KCNH8: variants seen among roughly 807,000 people sequenced by gnomAD.
KCNH8 encodes the protein potassium voltage-gated channel subfamily H member 8.
A neutral mutation model predicts 103.6 loss-of-function variants in KCNH8; 70 were observed. That is an observed-to-expected ratio of 0.68 (90% CI 0.56 to 0.82). The LOEUF is 0.82. KCNH8 is among the 40% of genes least tolerant of loss of function. The probability of loss-of-function intolerance (pLI) is 0.00; values close to 1 mark genes in which losing one functional copy is unlikely to be tolerated. For synonymous variants in KCNH8, 498 were observed against 489.4 expected (o/e 1.02, Z -0.23); for missense variants, 1,217 against 1,329.9 (o/e 0.92, Z 1.32).
intron 15 of KCNH8, among the ~76,000 whole-genome samples, chr3:19,530,169 G>T (rs1055779536): frequency 6.6e-6 from 1 of 152,144 alleles, no homozygotes; most frequent in Non-Finnish European, 1.5e-5. Flanking sequence ...GAGAGGTTAG[G>T]ATGAAGACAG....
intron 4 of KCNH8, among the ~76,000 whole-genome samples, chr3:19,344,421 A>G (rs2065702355): frequency 6.6e-6 from 1 of 152,118 alleles, no homozygotes; most frequent in Non-Finnish European, 1.5e-5. Context: ...ATTTCAAAAA[A>G]ACTATAACTC....
At chr3:19,445,803 CTTT>C (rs929748371) in intron 8 of KCNH8, among the ~76,000 whole-genome samples, 14 of 151,892 alleles carry the variant, frequency 9.2e-5, no homozygotes, top group African/African-American at 3.4e-4. Flanking sequence ...AATTATAAAA[CTTT>C]TTAAAGAAAG....
At chr3:19,413,725 G>A (rs2066819295) in intron 7 of KCNH8, among the ~76,000 whole-genome samples, 1 of 151,934 alleles carries the variant, frequency 6.6e-6, no homozygotes, top group Non-Finnish European at 1.5e-5. Context: ...GAAATAATTT[G>A]TTTTTTGAGC....
intron 2 of KCNH8, among the ~76,000 whole-genome samples, chr3:19,260,525 T>TATATAG: frequency 7.6e-6 from 1 of 131,478 alleles, no homozygotes; most frequent in East Asian, 2.3e-4. Context: ...TATATATATA[T>TATATAG]ATATATATAG....
rs576695599 is a variant in KCNH8, at chr3:19,238,038, A to G, written c.77-15616A>G. ...TCAGGGCTTGTGGGGGACACAATTC[A>G]AAAAGCATGGCAAGATAATTTCTTA... is the stretch of plus-strand genomic sequence containing the variant. On this transcript the variant is annotated intron_variant, in intron 1 of 15. Coordinates refer to ENST00000328405, the MANE Select transcript of KCNH8 (RefSeq NM_144633.3). 2.7e-4 allele frequency among the ~76,000 whole-genome samples: 41 copies of G among 152,330 alleles called. 2 individuals carry two copies. In the South Asian group the frequency reaches 5.8e-3, roughly 22 times the overall value.
At chr3:19,453,265 A>G (rs1431285480) in intron 10 of KCNH8, among the ~76,000 whole-genome samples, 1 of 152,118 alleles carries the variant, frequency 6.6e-6, no homozygotes, top group Non-Finnish European at 1.5e-5. Flanking sequence ...ACACCATTCA[A>G]GTGATGGTTA....
Position 19,397,143 on chromosome 3 carries a change from AC to A in KCNH8, c.1177+1833del, listed in dbSNP as rs564072778. On this transcript the variant is annotated intron_variant, in intron 7 of 15. Coordinates refer to ENST00000328405, the MANE Select transcript of KCNH8 (RefSeq NM_144633.3). Reference sequence around the variant, plus strand: ...GTATTTATTTGTCAATTAAAAAAAAACAATCTGAATTGCTTCTATATTTACC... The same window carrying A: ...GTATTTATTTGTCAATTAAAAAAAAAAATCTGAATTGCTTCTATATTTACC... Among the ~76,000 whole-genome samples, 14 of 152,076 alleles carry A rather than the reference AC, an allele frequency of 9.2e-5. No individual in the cohort carries two copies. In the South Asian group the frequency reaches 1.0e-3, roughly 11 times the overall value.
At chr3:19,452,862 A>G (rs2067470737) in intron 10 of KCNH8, among the ~76,000 whole-genome samples, 1 of 152,192 alleles carries the variant, frequency 6.6e-6, no homozygotes, top group African/African-American at 2.4e-5. Flanking sequence ...CCATGTCTAA[A>G]CAATATCTAT....
intron 1 of KCNH8, among the ~76,000 whole-genome samples, chr3:19,204,657 G>A (rs931712746): frequency 2.0e-5 from 3 of 151,918 alleles, no homozygotes; most frequent in African/African-American, 4.8e-5. Flanking sequence ...AATATAATGC[G>A]CTCACTTGAA....
At chr3:19,468,436 T>C (rs947249765) in intron 11 of KCNH8, among the ~76,000 whole-genome samples, 3 of 152,166 alleles carry the variant, frequency 2.0e-5, no homozygotes, top group Non-Finnish European at 2.9e-5. Flanking sequence ...CTGTTAGACA[T>C]AGCAAAGCCA....
At chr3:19,524,766 A>C (rs996386464) in intron 15 of KCNH8, among the ~76,000 whole-genome samples, 4 of 151,954 alleles carry the variant, frequency 2.6e-5, no homozygotes, top group African/African-American at 7.2e-5. Context: ...GGGCCCAAGT[A>C]AAAACCAATG....
chr3:19,204,048 A>G (rs1239513058), intron 1 of KCNH8, among the ~76,000 whole-genome samples: 2 of 152,094 alleles, frequency 1.3e-5, no homozygotes, highest in Non-Finnish European at 2.9e-5. Flanking sequence ...CAAATTTTCA[A>G]TTTTTAATCA....
At chr3:19,329,600 G>C (rs1336389543) in intron 3 of KCNH8, among the ~76,000 whole-genome samples, 1 of 151,924 alleles carries the variant, frequency 6.6e-6, no homozygotes, top group Non-Finnish European at 1.5e-5. Context: ...TCTTTAGGAG[G>C]GTAAAACTTT....
chr3:19,345,768 C>G (rs964113906), intron 4 of KCNH8, among the ~76,000 whole-genome samples: 4 of 151,938 alleles, frequency 2.6e-5, no homozygotes, highest in East Asian at 3.9e-4. Context: ...TTTGAGTTAA[C>G]AACATTTCAA....
intron 11 of KCNH8, among the ~76,000 whole-genome samples, chr3:19,458,037 A>C (rs553040356): frequency 2.6e-5 from 4 of 152,108 alleles, no homozygotes; most frequent in African/African-American, 9.6e-5. Context: ...TATGTAAAGC[A>C]TCTCATTTAT....
intron 7 of KCNH8, among the ~76,000 whole-genome samples, chr3:19,400,156 G>A (rs1285936989): frequency 1.4e-5 from 2 of 145,416 alleles, no homozygotes; most frequent in African/African-American, 5.2e-5. Context: ...GATGGAAAGT[G>A]GAGCCCTGTG....
intron 1 of KCNH8, among the ~76,000 whole-genome samples, chr3:19,182,096 A>G (rs2063458813): frequency 6.6e-6 from 1 of 152,222 alleles, no homozygotes; most frequent in Non-Finnish European, 1.5e-5. Context: ...ATACTAAAAA[A>G]GAGACTGGAT....
At chr3:19,330,393 G>A (rs891481138) in intron 3 of KCNH8, among the ~76,000 whole-genome samples, 1 of 152,012 alleles carries the variant, frequency 6.6e-6, no homozygotes, top group Admixed American at 6.6e-5. Flanking sequence ...TGATCTAGAC[G>A]AAGTCAGAAA....
intron 9 of KCNH8, chr3:19,450,673 T>A (rs1218954801): frequency 3.3e-6 from 1 of 300,154 alleles, no homozygotes; most frequent in Non-Finnish European, 6.3e-6. Flanking sequence ...AAAAATTCCA[T>A]CAAAGGGGTT....
Sources: gnomAD v4.1 joint callset for allele counts (sites outside exome capture counted in the v4.1 genomes callset) on GRCh38, gnomAD v4.1.1 for gene constraint, MANE v1.5 for transcripts, NCBI Gene and HGNC (gene_info 2026-07-23, HGNC 2026-07-21) for gene names.